CEP85L: variants seen among roughly 807,000 people sequenced by gnomAD.
The protein encoded by CEP85L is centrosomal protein 85L.
A neutral mutation model predicts 100.3 loss-of-function variants in CEP85L; 60 were observed. The ratio of observed to expected loss-of-function variants is 0.60; its 90% CI spans 0.49 to 0.74. The LOEUF (loss-of-function observed/expected upper bound fraction) is 0.74, where lower values mean the gene tolerates loss of function less well. Ranked by LOEUF, CEP85L falls within the 30% of genes least tolerant of loss-of-function variation. The pLI is 0.00. For synonymous variants in CEP85L, 319 were observed against 322.7 expected (o/e 0.99, Z 0.12); for missense variants, 973 against 936.2 (o/e 1.04, Z -0.51).
intron 3 of CEP85L, among the ~76,000 whole-genome samples, chr6:118,547,647 C>T (rs1426198427): frequency 6.6e-6 from 1 of 151,986 alleles, no homozygotes; most frequent in Non-Finnish European, 1.5e-5. Flanking sequence ...ATAAGTATTA[C>T]TATTCACAAA....
rs182170047 is a variant in CEP85L, at chr6:118,494,789, C to A, written c.1258-2924G>T. Among the ~76,000 whole-genome samples the A allele has an allele frequency of 1.2e-4, 19 of 152,176 alleles. No homozygotes were observed. In the East Asian group the frequency reaches 3.3e-3, roughly 26 times the overall value. On this transcript the variant is annotated intron_variant, in intron 5 of 12. Coordinates refer to ENST00000368491, the MANE Select transcript of CEP85L (RefSeq NM_001042475.3). ...TACTTTCAACAAAAATTACAAGACA[C>A]GCAAAAAGGCAAAAAACGCAGTTTG...
intron 3 of CEP85L, among the ~76,000 whole-genome samples, chr6:118,546,765 G>A: frequency 6.6e-6 from 1 of 152,066 alleles, no homozygotes; most frequent in Non-Finnish European, 1.5e-5. Context: ...ATTGGTAACT[G>A]ATAGTACTGA....
At chr6:118,538,256 A>T (rs1777714149) in intron 3 of CEP85L, among the ~76,000 whole-genome samples, 1 of 151,906 alleles carries the variant, frequency 6.6e-6, no homozygotes, top group South Asian at 2.1e-4. Flanking sequence ...TTAATAATCT[A>T]ATTATTTCTT....
At chr6:118,585,205 G>C (rs1222201880) in intron 2 of CEP85L, among the ~76,000 whole-genome samples, 1 of 152,202 alleles carries the variant, frequency 6.6e-6, no homozygotes, top group Non-Finnish European at 1.5e-5. Context: ...ATTAAGCAAA[G>C]GAAAGGTAGC....
At chr6:118,532,498 C>G (rs577580481) in intron 3 of CEP85L, among the ~76,000 whole-genome samples, 169 of 152,022 alleles carry the variant, frequency 1.1e-3, no homozygotes, top group African/African-American at 3.9e-3. Context: ...GGTTATGTAC[C>G]CCTGAACCCC....
Position 118,635,187 on chromosome 6 carries a change from T to C in CEP85L, c.74-2576A>G, listed in dbSNP as rs187803083. Reference sequence around the variant, plus strand: ...CAAATAAATATGAGTATAAGGACATTCCTGACAGCACTGCTTAAAGTAAAT... The same window carrying C: ...CAAATAAATATGAGTATAAGGACATCCCTGACAGCACTGCTTAAAGTAAAT... On this transcript the variant is annotated intron_variant, in intron 1 of 12. Transcript: ENST00000368491. Among the ~76,000 whole-genome samples the C allele has an allele frequency of 1.6e-3, 249 of 152,274 alleles. 1 individual carries two copies. The highest frequency in any genetic ancestry group is 5.6e-3 in the African/African-American group (231 of 41,562).
At chr6:118,467,969 A>G (rs1269703584) in intron 12 of CEP85L, among the ~76,000 whole-genome samples, 1 of 152,150 alleles carries the variant, frequency 6.6e-6, no homozygotes, top group African/African-American at 2.4e-5. Flanking sequence ...TAATTTGGTT[A>G]ATGTGTGGAC....
chr6:118,659,641 G>A (rs1048244069), intron 1 of CEP85L, among the ~76,000 whole-genome samples: 4 of 152,196 alleles, frequency 2.6e-5, no homozygotes, highest in Non-Finnish European at 5.9e-5. Flanking sequence ...CAGCATTCGG[G>A]GAGAATAGAG....
At chr6:118,698,233 G>A (rs964495629) in intron 1 of CEP85L, among the ~76,000 whole-genome samples, 12 of 152,206 alleles carry the variant, frequency 7.9e-5, no homozygotes, top group African/African-American at 2.9e-4. Flanking sequence ...CCTTGACACT[G>A]AAAGTATAAA....
chr6:118,601,355 G>A (rs1236611528), intron 2 of CEP85L, among the ~76,000 whole-genome samples: 4 of 152,174 alleles, frequency 2.6e-5, no homozygotes, highest in Admixed American at 2.0e-4. Context: ...TTTTTGAGAA[G>A]GAAGGGCAAT....
chr6:118,510,741 C>A (rs1056532329), intron 5 of CEP85L, among the ~76,000 whole-genome samples: 1 of 152,026 alleles, frequency 6.6e-6, no homozygotes, highest in Non-Finnish European at 1.5e-5. Context: ...TGCATATGAG[C>A]AAAACAGTAT....
intron 2 of CEP85L, among the ~76,000 whole-genome samples, chr6:118,578,428 G>A (rs1299195469): frequency 6.6e-6 from 1 of 152,196 alleles, no homozygotes; most frequent in Non-Finnish European, 1.5e-5. Flanking sequence ...AACAGGAACT[G>A]TGTTAGGAAT....
intron 1 of CEP85L, among the ~76,000 whole-genome samples, chr6:118,701,659 A>C (rs1777411396): frequency 6.6e-6 from 1 of 152,122 alleles, no homozygotes; most frequent in Non-Finnish European, 1.5e-5. Flanking sequence ...GGGTTGAAAA[A>C]CTGTTGGGTG....
intron 3 of CEP85L, among the ~76,000 whole-genome samples, chr6:118,544,970 G>A (rs1778111475): frequency 6.6e-6 from 1 of 152,044 alleles, no homozygotes; most frequent in Non-Finnish European, 1.5e-5. Flanking sequence ...ATTTAAGGCA[G>A]TAATTATCAA....
At chr6:118,694,202 A>G (rs1387734571) in intron 1 of CEP85L, among the ~76,000 whole-genome samples, 1 of 152,218 alleles carries the variant, frequency 6.6e-6, no homozygotes, top group Non-Finnish European at 1.5e-5. Context: ...AAGAGAAACC[A>G]AAATGTAATC....
At chr6:118,583,883 T>C (rs58496368) in intron 2 of CEP85L, among the ~76,000 whole-genome samples, 91 of 152,326 alleles carry the variant, frequency 6.0e-4, no homozygotes, top group African/African-American at 1.9e-3. Flanking sequence ...CTAATCCCTA[T>C]ACCCTGTTAA....
chr6:118,468,985 A>G, intron 12 of CEP85L, 87 bp downstream of exon 12: 1 of 839,490 alleles, frequency 1.2e-6, no homozygotes, highest in Non-Finnish European at 1.9e-6. Context: ...TACAAAAATA[A>G]ACAGAGAAAA....
intron 2 of CEP85L, among the ~76,000 whole-genome samples, chr6:118,623,043 C>G (rs1773555168): frequency 6.6e-6 from 1 of 152,236 alleles, no homozygotes; most frequent in South Asian, 2.1e-4. Context: ...GAAAGGTGCT[C>G]ATACCTGAAG....
At chr6:118,563,135 C>T (rs2114986868) in intron 3 of CEP85L, among the ~76,000 whole-genome samples, 1 of 152,308 alleles carries the variant, frequency 6.6e-6, no homozygotes, top group South Asian at 2.1e-4. Flanking sequence ...GTAGGCATTA[C>T]ACATGGAGCC....
Sources: allele counts gnomAD v4.1 joint callset (sites outside exome capture counted in the v4.1 genomes callset), GRCh38; gene constraint gnomAD v4.1.1; transcripts MANE v1.5; gene names NCBI Gene and HGNC (gene_info 2026-07-23, HGNC 2026-07-21).